MINDY4: variants seen among roughly 807,000 people sequenced by gnomAD.
MINDY4 encodes probable ubiquitin carboxyl-terminal hydrolase MINDY-4.
In MINDY4, 68 loss-of-function variants were observed where a neutral mutation model predicts 87.0. The ratio of observed to expected loss-of-function variants is 0.78; its 90% CI spans 0.64 to 0.96. The LOEUF is 0.96. Ranked by LOEUF, MINDY4 falls within the 40% of genes least tolerant of loss-of-function variation. The pLI, the probability that MINDY4 is intolerant of heterozygous loss-of-function variation, is 0.00. For missense variants in MINDY4, 919 were observed against 928.2 expected, an observed-to-expected ratio of 0.99 and a Z score of 0.13; for synonymous variants, 379 against 363.2, an observed-to-expected ratio of 1.04 and a Z score of -0.50.
At chr7:30,871,972 T>C (rs1253907222) in intron 13 of MINDY4, among the ~76,000 whole-genome samples, 2 of 152,160 alleles carry the variant, frequency 1.3e-5, no homozygotes, top group African/African-American at 4.8e-5. Flanking sequence ...GTCGCTGTTC[T>C]CTAGTGTAGG....
intron 4 of MINDY4, 89 bp from the exon 5 acceptor site, chr7:30,791,076 T>G: frequency 8.0e-7 from 1 of 1,251,970 alleles, no homozygotes; most frequent in Non-Finnish European, 1.1e-6. Flanking sequence ...GGGAGAGACA[T>G]CACATCATGG....
chr7:30,857,170 G>C (rs1465180134), intron 12 of MINDY4, among the ~76,000 whole-genome samples: 1 of 152,150 alleles, frequency 6.6e-6, no homozygotes, highest in South Asian at 2.1e-4. Context: ...TAGTCAGCTT[G>C]CCCTCTCTTG....
At position 30,853,947 on chromosome 7, in the gene MINDY4, G is replaced by A. The variant is rs372605473; in HGVS notation, c.1677+488G>A. Among the ~76,000 whole-genome samples, 98 of 152,112 alleles carry A rather than the reference G, an allele frequency of 6.4e-4. 2 individuals are homozygous for A. The highest frequency in any genetic ancestry group is 2.3e-3 in the African/African-American group (94 of 41,480). ...CACCTTGATTAGTATCCCTGGGGTG[G>A]CAGGGCTGCTCTGGGTGGGGGCTCT... On this transcript the variant is annotated intron_variant, in intron 12 of 17. Coordinates refer to ENST00000265299, the MANE Select transcript of MINDY4 (RefSeq NM_032222.3).
chr7:30,811,022 C>G (rs761185220), intron 5 of MINDY4, among the ~76,000 whole-genome samples: 4 of 151,724 alleles, frequency 2.6e-5, no homozygotes, highest in Non-Finnish European at 5.9e-5. Flanking sequence ...AGGTACCACC[C>G]CTAGAATTTC....
chr7:30,857,191 T>C (rs1031495663), intron 12 of MINDY4, among the ~76,000 whole-genome samples: 2 of 152,212 alleles, frequency 1.3e-5, no homozygotes, highest in Non-Finnish European at 2.9e-5. Context: ...CCTGTGGACC[T>C]TTGCACGTGC....
chr7:30,827,007 C>T (rs972588420), intron 5 of MINDY4, among the ~76,000 whole-genome samples: 13 of 152,138 alleles, frequency 8.5e-5, no homozygotes, highest in African/African-American at 2.7e-4. Context: ...AGGAAGATGA[C>T]TTTGGCAGCC....
intron 6 of MINDY4, among the ~76,000 whole-genome samples, chr7:30,830,788 T>G (rs1475094935): frequency 6.6e-6 from 1 of 152,182 alleles, no homozygotes; most frequent in African/African-American, 2.4e-5. Context: ...GTATTTAGTC[T>G]GGACTCTGAA....
chr7:30,865,915 A>C (rs1415645077), intron 13 of MINDY4, among the ~76,000 whole-genome samples: 1 of 152,126 alleles, frequency 6.6e-6, no homozygotes, highest in African/African-American at 2.4e-5. Context: ...CTGACTTAGA[A>C]AGAGAGGTGG....
intron 5 of MINDY4, among the ~76,000 whole-genome samples, chr7:30,827,553 G>C (rs1174494618): frequency 6.6e-6 from 1 of 152,182 alleles, no homozygotes; most frequent in Non-Finnish European, 1.5e-5. Flanking sequence ...AGGAATGCCT[G>C]TAGAATCCTG....
chr7:30,875,742 T>G, intron 15 of MINDY4, 86 bp downstream of exon 15: 1 of 1,438,088 alleles, frequency 7.0e-7, no homozygotes, highest in Non-Finnish European at 9.4e-7. Context: ...AAAGCTGGAC[T>G]CCACTTCTCA....
chr7:30,802,921 C>T (rs1787701699), intron 5 of MINDY4: 1 of 152,044 alleles, frequency 6.6e-6, no homozygotes, highest in South Asian at 2.1e-4. Flanking sequence ...CCCATCCAAT[C>T]ATCTCACCCA....
intron 9 of MINDY4, among the ~76,000 whole-genome samples, chr7:30,848,659 G>A (rs565379969): frequency 1.2e-4 from 19 of 152,334 alleles, no homozygotes; most frequent in African/African-American, 4.3e-4. Context: ...AGTGCTCCCA[G>A]CAGCTGGGGC....
intron 5 of MINDY4, among the ~76,000 whole-genome samples, chr7:30,822,154 C>T (rs1788352511): frequency 6.6e-6 from 1 of 151,276 alleles, no homozygotes; most frequent in Admixed American, 6.6e-5. Context: ...ACAGTACCCA[C>T]AAAATTTCTT....
Position 30,782,224 on chromosome 7 carries a change from CATT to C in MINDY4, c.419+18_419+20del, listed in dbSNP as rs1787026441. 3.1e-6 allele frequency: 5 copies of C among 1,597,458 alleles called. No homozygotes were observed. The highest frequency in any genetic ancestry group is 4.3e-6 in the Non-Finnish European group (5 of 1,168,678). The stretch of plus-strand genomic sequence containing the variant: ...ACAAGCAAAGCCAGGTATCTTTTCC[CATT>C]ATTATGTTTATTAGTTTCCTATTGC... On this transcript the variant is annotated intron_variant, in intron 3 of 17. Coordinates refer to ENST00000265299, the MANE Select transcript of MINDY4 (RefSeq NM_032222.3).
At chr7:30,810,200 AAT>A (rs1451378539) in intron 5 of MINDY4, among the ~76,000 whole-genome samples, 2 of 147,686 alleles carry the variant, frequency 1.4e-5, no homozygotes, top group Non-Finnish European at 3.0e-5. Context: ...AAAAAAAAGA[AAT>A]GTTTATAATA....
At chr7:30,828,262 CA>C (rs1460140373) in intron 5 of MINDY4, among the ~76,000 whole-genome samples, 1 of 151,792 alleles carries the variant, frequency 6.6e-6, no homozygotes, top group Non-Finnish European at 1.5e-5. Context: ...AACAAACAAA[CA>C]AAAAACATAG....
Position 30,816,001 on chromosome 7 carries a change from C to T in MINDY4, c.1074-12678C>T, listed in dbSNP as rs1252112842. 2.0e-5 allele frequency among the ~76,000 whole-genome samples: 3 copies of T among 152,126 alleles called. No individual in the cohort carries two copies. The East Asian group carries it at 5.8e-4, about 29-fold the overall frequency. ...GAGCTTAAAACTCTATTTCTGCCTACTTACCAGGGGCCTTGGGAAAGCTCT... is the reference window on the plus strand; with the variant it reads ...GAGCTTAAAACTCTATTTCTGCCTATTTACCAGGGGCCTTGGGAAAGCTCT... On this transcript the variant is annotated intron_variant, in intron 5 of 17. Transcript: ENST00000265299.
At chr7:30,839,894 A>C (rs968618416) in intron 8 of MINDY4, among the ~76,000 whole-genome samples, 3 of 152,150 alleles carry the variant, frequency 2.0e-5, no homozygotes, top group Non-Finnish European at 4.4e-5. Context: ...CATTATACTC[A>C]TGGGCAGAAA....
At chr7:30,774,708 T>C (rs187966221) in intron 1 of MINDY4, among the ~76,000 whole-genome samples, 57 of 152,034 alleles carry the variant, frequency 3.7e-4, no homozygotes, top group Non-Finnish European at 7.1e-4. Context: ...CACAGTTGAT[T>C]GTGTCCTTCT....
Sources: allele counts gnomAD v4.1 joint callset (sites outside exome capture counted in the v4.1 genomes callset), GRCh38; gene constraint gnomAD v4.1.1; transcripts MANE v1.5; gene names NCBI Gene and HGNC (gene_info 2026-07-23, HGNC 2026-07-21).